Variants in SEC14L5 observed in about 807,000 individuals in gnomAD.
The protein encoded by SEC14L5 is SEC14-like protein 5.
SEC14L5 carries 96 observed loss-of-function variants against 84.6 expected under a neutral mutation model. That is an observed-to-expected ratio of 1.13 (90% CI 0.96 to 1.34). The LOEUF is 1.34. SEC14L5 is among the 40% of genes most tolerant of loss of function. The probability of loss-of-function intolerance (pLI) is 0.00; values close to 1 mark genes in which losing one functional copy is unlikely to be tolerated. For synonymous variants in SEC14L5, 546 were observed against 383.4 expected, an observed-to-expected ratio of 1.42 and a Z score of -4.95; for missense variants, 1,224 against 942.5, an observed-to-expected ratio of 1.30 and a Z score of -3.91.
rs1027329632 is a variant in SEC14L5, at chr16:4,987,659, G to C, written c.166G>C (p.Glu56Gln). 2.6e-6 allele frequency: 4 copies of C among 1,549,448 alleles called. No individual in the cohort carries two copies. The African/African-American group carries it at 4.2e-5, about 16-fold the overall frequency. ...CCCGGACGGGGCTGTGCACGTGGTG[G>C]AGCGGAGCTGCCGGCTGCGCGTGGA... ...RSPDGAVHVV[E>Q]RSCRLRVDAP... The change falls in exon 3 of 16, where the codon GAG becomes CAG. Residue 56 changes from glutamate (E) to glutamine (Q), a missense_variant. Transcript: ENST00000251170.
chr16:4,999,575 A>T (rs1376468749), intron 8 of SEC14L5, among the ~76,000 whole-genome samples: 1 of 151,628 alleles, frequency 6.6e-6, no homozygotes, highest in Non-Finnish European at 1.5e-5. Flanking sequence ...AGTCGAGATC[A>T]TGCCACTGCA....
chr16:5,000,600 G>T, intron 8 of SEC14L5, 55 bp from the exon 9 acceptor site: 1 of 1,375,116 alleles, frequency 7.3e-7, no homozygotes, highest in East Asian at 2.5e-5. Flanking sequence ...CCTGCCCCTC[G>T]GAAGCAGTCC....
Position 4,988,241 on chromosome 16 carries a change from CG to C in SEC14L5, c.307del (p.Ala103ProfsTer6). 1 of 1,613,714 alleles carries C rather than the reference CG, an allele frequency of 6.2e-7. No homozygotes were observed. Among genetic ancestry groups the C allele is most frequent in the Non-Finnish European group, 8.5e-7 (1 of 1,179,722 alleles). On this transcript the variant is annotated frameshift_variant, in exon 4 of 16. Transcript: ENST00000251170. LOFTEE classifies it high-confidence loss of function. Reference sequence around the variant, plus strand: ...TCATCGAAGCGCACAATGAGACCTTCGCCAACCGCGTGGTGGTGAACGAGCA... The same window carrying C: ...TCATCGAAGCGCACAATGAGACCTTCCCAACCGCGTGGTGGTGAACGAGCA... ...LLIEAHNETF[A>X]NRVVVNEHCS...
intron 2 of SEC14L5, among the ~76,000 whole-genome samples, chr16:4,959,942 A>G (rs1479622295): frequency 6.6e-6 from 1 of 152,200 alleles, no homozygotes; most frequent in Non-Finnish European, 1.5e-5. Flanking sequence ...ATTTGACCAC[A>G]GAGCCCTCCT....
At chr16:5,013,157 C>T (rs965630198) in intron 15 of SEC14L5, among the ~76,000 whole-genome samples, 12 of 152,128 alleles carry the variant, frequency 7.9e-5, no homozygotes, top group Admixed American at 6.5e-5. Context: ...CCAGATCCCT[C>T]CCTCAACACT....
intron 2 of SEC14L5, among the ~76,000 whole-genome samples, chr16:4,973,992 C>G (rs1225812329): frequency 6.6e-6 from 1 of 151,588 alleles, no homozygotes; most frequent in African/African-American, 2.4e-5. Context: ...CCTTATATGA[C>G]TTCATTTCTT....
intron 2 of SEC14L5, among the ~76,000 whole-genome samples, chr16:4,965,593 G>A (rs983688452): frequency 4.1e-5 from 6 of 148,142 alleles, no homozygotes; most frequent in African/African-American, 1.0e-4. Flanking sequence ...ACCGGGAGGC[G>A]GAGCTTGCAC....
At chr16:4,974,953 T>A (rs1955323090) in intron 2 of SEC14L5, among the ~76,000 whole-genome samples, 1 of 151,942 alleles carries the variant, frequency 6.6e-6, no homozygotes. Context: ...AATTTTTGTA[T>A]TTTTAGTAAA....
rs566756588 is a variant in SEC14L5 at position 5,011,413 on chromosome 16, A to T, written c.1979+140A>T. On this transcript the variant is annotated intron_variant, in intron 15 of 15. Transcript: ENST00000251170. ...CAGCATGGGTATGGTTGGAGTTCTC[A>T]GGTGACACAGCCCCGCACTAGGGTG... is the stretch of plus-strand genomic sequence containing the variant. 5.1e-6 allele frequency: 4 copies of T among 783,030 alleles called. No individual in the cohort carries two copies. The South Asian group carries it at 7.1e-5, about 14-fold the overall frequency. The allele number at this position is 783,030 out of a possible 1,614,324, so 48.5% of individuals were successfully genotyped here. A position where few individuals can be genotyped will look rare whatever the true frequency, so the allele number is the denominator to read the frequency against.
rs984271999 is a variant in SEC14L5 at position 4,959,343 on chromosome 16, C to G, written c.20C>G (p.Ser7Cys). 9 of 1,613,736 alleles carry G rather than the reference C, an allele frequency of 5.6e-6. No individual in the cohort carries two copies. The African/African-American group carries it at 6.7e-5, about 12-fold the overall frequency. Reference protein sequence around the residue: MVQRYQSPVRVYKYPFE... With the variant: MVQRYQCPVRVYKYPFE... ...GTGAACATGGTGCAAAGATACCAGT[C>G]TCCTGTCCGAGTCTACAAGTACCCG... Residue 7 changes from serine to cysteine, a missense_variant, in exon 2 of 16, where the codon TCT (serine) becomes TGT (cysteine). Physicochemically the swap from Ser to Cys is moderately radical, Grantham distance 112 (BLOSUM62 -1). Transcript: ENST00000251170.
intron 10 of SEC14L5, 131 bp from the exon 11 acceptor site, chr16:5,003,271 A>G: frequency 1.5e-6 from 1 of 679,092 alleles, no homozygotes; most frequent in Non-Finnish European, 2.5e-6. Context: ...TGGGCTCCCT[A>G]CTGTGGCAGG....
chr16:4,975,485 A>AAG (rs1187135242), intron 2 of SEC14L5, among the ~76,000 whole-genome samples: 3 of 151,664 alleles, frequency 2.0e-5, no homozygotes, highest in Non-Finnish European at 2.9e-5. Flanking sequence ...AAAAAAAAAA[A>AAG]AAAAAAAGAC....
chr16:4,971,544 T>C (rs1479431945), intron 2 of SEC14L5, among the ~76,000 whole-genome samples: 1 of 152,216 alleles, frequency 6.6e-6, no homozygotes, highest in Non-Finnish European at 1.5e-5. Context: ...TGATTCATTG[T>C]TTAATCCCTG....
intron 7 of SEC14L5, 61 bp from the exon 8 acceptor site, chr16:4,996,794 A>G (rs1955615462): frequency 1.5e-6 from 2 of 1,360,496 alleles, no homozygotes; most frequent in Non-Finnish European, 2.0e-6. Context: ...CTGGTTCTGT[A>G]ATTTTATCTG....
intron 15 of SEC14L5, 99 bp downstream of exon 15, chr16:5,011,372 T>TC: frequency 7.9e-7 from 1 of 1,272,136 alleles, no homozygotes; most frequent in East Asian, 2.5e-5. Flanking sequence ...GGTCAGCTTC[T>TC]CCCGGGGTGG....
chr16:4,994,682 A>AT (rs57838129), intron 6 of SEC14L5, among the ~76,000 whole-genome samples: 8,972 of 144,346 alleles, frequency 0.062, 447 homozygotes, highest in African/African-American at 0.14. Context: ...GTATGTGCAC[A>AT]TTTTTTTTTT....
intron 8 of SEC14L5, among the ~76,000 whole-genome samples, chr16:4,997,675 C>T (rs1216808555): frequency 2.0e-5 from 3 of 152,172 alleles, no homozygotes; most frequent in African/African-American, 4.8e-5. Flanking sequence ...TGGCTTAAAA[C>T]AGTAGAAATG....
intron 8 of SEC14L5, among the ~76,000 whole-genome samples, chr16:4,997,703 C>T (rs1016758261): frequency 1.3e-5 from 2 of 152,152 alleles, no homozygotes; most frequent in Non-Finnish European, 2.9e-5. Flanking sequence ...TCACAGTTCT[C>T]GAGGCCAGAA....
intron 2 of SEC14L5, among the ~76,000 whole-genome samples, chr16:4,984,157 C>A (rs957575780): frequency 6.6e-6 from 1 of 152,156 alleles, no homozygotes; most frequent in East Asian, 1.9e-4. Context: ...CTCTGTCTGC[C>A]TTAACCCTCA....
Sources: gnomAD v4.1 joint callset for allele counts (sites outside exome capture counted in the v4.1 genomes callset) on GRCh38, gnomAD v4.1.1 for gene constraint, MANE v1.5 for transcripts, NCBI Gene and HGNC (gene_info 2026-07-23, HGNC 2026-07-21) for gene names.